Variants in CDH2 observed in about 807,000 individuals in gnomAD.
The protein encoded by CDH2 is cadherin 2, also known as cadherin-2.
CDH2 carries 17 observed loss-of-function variants against 92.0 expected under a neutral mutation model. The ratio of observed to expected loss-of-function variants is 0.18; its 90% CI spans 0.13 to 0.28. The LOEUF is 0.28. Among genes scored for constraint, CDH2 ranks in the 10% least tolerant of loss-of-function variants. CDH2 has a pLI of 1.00. For missense variants in CDH2, 862 were observed against 1,133.1 expected (o/e 0.76, Z 3.44); for synonymous variants, 419 against 415.9 (o/e 1.01, Z -0.09).
chr18:28,077,512 T>C (rs2014743182), intron 2 of CDH2, among the ~76,000 whole-genome samples: 1 of 152,116 alleles, frequency 6.6e-6, no homozygotes, highest in Non-Finnish European at 1.5e-5. Context: ...CATCATTTTT[T>C]AACTCTAAAA....
chr18:28,145,689 A>G (rs1251058185), intron 2 of CDH2, among the ~76,000 whole-genome samples: 2 of 152,054 alleles, frequency 1.3e-5, no homozygotes, highest in Non-Finnish European at 2.9e-5. Flanking sequence ...GCCTGTGTAA[A>G]TTTTCTTCCT....
chr18:27,947,788 A>G (rs17462602), downstream of CDH2, among the ~76,000 whole-genome samples: 132 of 3,556 alleles, frequency 0.037, 2 homozygotes, highest in Middle Eastern at 0.5. Context: ...TATATGTGAT[A>G]TAAGTATATG....
In CDH2 at chr18:28,100,008, T is replaced by A. The variant is rs187930550; in HGVS notation, c.172+47665A>T. Among the ~76,000 whole-genome samples, 34 of 152,296 alleles carry A rather than the reference T, an allele frequency of 2.2e-4. No homozygotes were observed. In the East Asian group the frequency reaches 6.6e-3, roughly 29 times the overall value. On this transcript the variant is annotated intron_variant, in intron 2 of 15. Transcript: ENST00000269141. ...GTTTAATTTCTATGATGAGCATTCA[T>A]CCATCCATCCACCCATCCATCCAAT...
chr18:28,167,678 G>C (rs1318564450), intron 1 of CDH2, among the ~76,000 whole-genome samples: 4 of 152,084 alleles, frequency 2.6e-5, no homozygotes, highest in Non-Finnish European at 5.9e-5. Flanking sequence ...TAACTAGTAT[G>C]TTCCATTTAG....
chr18:27,993,690 A>T (rs1599018093), intron 7 of CDH2, 53 bp from the exon 8 acceptor site: 1 of 1,380,108 alleles, frequency 7.2e-7, no homozygotes, highest in Non-Finnish European at 1.0e-6. Flanking sequence ...TCAAGAAGAC[A>T]TAACAGTTGT....
intron 15 of CDH2, among the ~76,000 whole-genome samples, chr18:27,956,711 A>C (rs954819178): frequency 3.3e-4 from 50 of 152,290 alleles, no homozygotes; most frequent in African/African-American, 1.2e-3. Context: ...ACTGCTCTCT[A>C]TGACTCCTTC....
intron 1 of CDH2, 101 bp downstream of exon 1, chr18:28,176,862 C>A (rs2016552469): frequency 3.7e-6 from 2 of 544,866 alleles, no homozygotes; most frequent in South Asian, 1.7e-4. Flanking sequence ...CCTCCCTTCC[C>A]GGGTGCGCAG....
chr18:28,176,472 C>T (rs1456069932), intron 1 of CDH2, among the ~76,000 whole-genome samples: 2 of 152,100 alleles, frequency 1.3e-5, no homozygotes, highest in Admixed American at 1.3e-4. Context: ...GGGAGGCGCA[C>T]GGGTGCAGGG....
intron 2 of CDH2, among the ~76,000 whole-genome samples, chr18:28,083,257 C>T (rs2144194503): frequency 6.6e-6 from 1 of 151,992 alleles, no homozygotes; most frequent in East Asian, 1.9e-4. Flanking sequence ...TGTCCCAGTC[C>T]ACCCTATGCT....
intron 1 of CDH2, among the ~76,000 whole-genome samples, chr18:28,154,191 C>T (rs1304493401): frequency 1.3e-5 from 2 of 152,228 alleles, no homozygotes; most frequent in African/African-American, 2.4e-5. Flanking sequence ...TTCTTAATCC[C>T]ATGCTCTCTT....
Position 28,084,120 on chromosome 18 carries a change from G to A in CDH2, c.172+63553C>T, listed in dbSNP as rs183044771. Among the ~76,000 whole-genome samples, 16 of 152,250 alleles carry A rather than the reference G, an allele frequency of 1.1e-4. No homozygotes were observed. The East Asian group carries it at 2.7e-3, about 26-fold the overall frequency. ...ATACAACACTTGGTGACAGGAGCTGGCATACATGAATCTGATTTATTTAAT... is the reference window on the plus strand; with the variant it reads ...ATACAACACTTGGTGACAGGAGCTGACATACATGAATCTGATTTATTTAAT... On this transcript the variant is annotated intron_variant, in intron 2 of 15. Coordinates refer to ENST00000269141, the MANE Select transcript of CDH2 (RefSeq NM_001792.5).
intron 2 of CDH2, among the ~76,000 whole-genome samples, chr18:28,021,296 C>T (rs1365915724): frequency 1.3e-5 from 2 of 151,874 alleles, no homozygotes; most frequent in East Asian, 3.9e-4. Context: ...AGAGAACAAC[C>T]TTCCTTCCAT....
intron 1 of CDH2, among the ~76,000 whole-genome samples, chr18:28,156,639 C>T (rs4991540): frequency 6.3e-4 from 25 of 39,748 alleles, no homozygotes; most frequent in African/African-American, 3.6e-3. Context: ...TTCCCAGGTG[C>T]AGCATGTCAC....
intron 2 of CDH2, among the ~76,000 whole-genome samples, chr18:28,092,626 T>G (rs539171986): frequency 6.6e-6 from 1 of 151,896 alleles, no homozygotes; most frequent in Non-Finnish European, 1.5e-5. Flanking sequence ...TATTAACATA[T>G]ACTATTATTT....
chr18:27,976,516 T>C (rs1366519582), intron 14 of CDH2, among the ~76,000 whole-genome samples: 1 of 152,190 alleles, frequency 6.6e-6, no homozygotes, highest in Admixed American at 6.5e-5. Flanking sequence ...TGGTTGAACA[T>C]GAGCTTTGTA....
intron 2 of CDH2, among the ~76,000 whole-genome samples, chr18:28,080,585 C>T (rs2014810454): frequency 1.3e-5 from 2 of 152,186 alleles, no homozygotes; most frequent in Admixed American, 1.3e-4. Context: ...AAATAAATTA[C>T]CATAAATCTT....
chr18:28,084,432 T>G (rs998851081), intron 2 of CDH2, among the ~76,000 whole-genome samples: 1 of 152,176 alleles, frequency 6.6e-6, no homozygotes, highest in African/African-American at 2.4e-5. Flanking sequence ...CTTATTTGTC[T>G]TCATCTGTGG....
At chr18:27,980,002 C>T (rs1421935116) in intron 14 of CDH2, among the ~76,000 whole-genome samples, 1 of 152,070 alleles carries the variant, frequency 6.6e-6, no homozygotes, top group Non-Finnish European at 1.5e-5. Context: ...TTTTTGAAAC[C>T]ATAAGATAGC....
chr18:28,018,768 T>A, intron 2 of CDH2, among the ~76,000 whole-genome samples: 1 of 151,702 alleles, frequency 6.6e-6, no homozygotes, highest in East Asian at 1.9e-4. Flanking sequence ...GGTAATTCCT[T>A]AAAAAACTAA....
Sources: allele counts gnomAD v4.1 joint callset (sites outside exome capture counted in the v4.1 genomes callset), GRCh38; gene constraint gnomAD v4.1.1; transcripts MANE v1.5; gene names NCBI Gene and HGNC (gene_info 2026-07-23, HGNC 2026-07-21).